ZNF490: variants seen among roughly 807,000 people sequenced by gnomAD.
ZNF490 encodes zinc finger protein 490.
In ZNF490, 11 loss-of-function variants were observed where a neutral mutation model predicts 17.7. The ratio of observed to expected loss-of-function variants is 0.62; its 90% CI spans 0.39 to 1.03. ZNF490 has a LOEUF of 1.03. ZNF490 is among the 50% of genes least tolerant of loss of function. ZNF490 has a pLI of 0.00. For missense variants in ZNF490, 542 were observed against 643.4 expected, an observed-to-expected ratio of 0.84 and a Z score of 1.71; for synonymous variants, 222 against 216.1, an observed-to-expected ratio of 1.03 and a Z score of -0.24.
At chr19:12,601,257 G>A (rs570904968) in intron 2 of ZNF490, among the ~76,000 whole-genome samples, 50 of 151,890 alleles carry the variant, frequency 3.3e-4, no homozygotes, top group South Asian at 8.3e-4. Flanking sequence ...GCGTGGTGGC[G>A]GGCACCTGTA....
intron 2 of ZNF490, among the ~76,000 whole-genome samples, chr19:12,583,811 ATTTTTTTTTT>A (rs879747918): frequency 1.3e-5 from 1 of 78,654 alleles, no homozygotes; most frequent in African/African-American, 5.1e-5. Flanking sequence ...ATATATATAT[ATTTTTTTTTT>A]TTTTTTTTTG....
At position 12,576,130 on chromosome 19, in the gene ZNF490, C is replaced by T. The variant is rs1045876466; in HGVS notation, c.*4355G>A. On this transcript the variant is annotated 3_prime_UTR_variant, in exon 5 of 5. Coordinates refer to ENST00000311437, the MANE Select transcript of ZNF490 (RefSeq NM_020714.3). ...TGGTGAAAAACCATATTTTTAATAT[C>T]TAATATCAGAAACAAGGATATTTGC... Among the ~76,000 whole-genome samples, 1 of 152,148 alleles carries T rather than the reference C, an allele frequency of 6.6e-6. No homozygotes were observed. Among genetic ancestry groups the T allele is most frequent in the African/African-American group, 2.4e-5 (1 of 41,436 alleles).
chr19:12,604,443 A>C (rs1393487932), intron 2 of ZNF490, among the ~76,000 whole-genome samples: 1 of 152,144 alleles, frequency 6.6e-6, no homozygotes, highest in Non-Finnish European at 1.5e-5. Flanking sequence ...TGAGGTCAGG[A>C]GTTCGAGACC....
At chr19:12,602,223 G>A (rs987934799) in intron 2 of ZNF490, among the ~76,000 whole-genome samples, 3 of 151,624 alleles carry the variant, frequency 2.0e-5, no homozygotes, top group Non-Finnish European at 4.4e-5. Flanking sequence ...GCTGCTACTG[G>A]AGACTGGGTG....
intron 2 of ZNF490, chr19:12,597,089 A>T: frequency 4.4e-6 from 2 of 458,402 alleles, no homozygotes; most frequent in Admixed American, 4.7e-5. Context: ...GGGTCTTCCC[A>T]TAGCCGGTTC....
intron 2 of ZNF490, among the ~76,000 whole-genome samples, chr19:12,608,510 G>A (rs1050612823): frequency 1.3e-4 from 19 of 151,294 alleles, no homozygotes; most frequent in African/African-American, 4.4e-4. Flanking sequence ...TCACTCTGTT[G>A]CCCAGGCTGG....
chr19:12,586,129 C>G lies in ZNF490; in HGVS notation c.163-2573G>C, dbSNP rs553594693. ...CCAGCCTGGCCAACATAGCAAAACC[C>G]CATCTCTACTAAAAATACAAAAATT... is the stretch of plus-strand genomic sequence containing the variant. On this transcript the variant is annotated intron_variant, in intron 2 of 4. Transcript: ENST00000311437. 4.3e-4 allele frequency among the ~76,000 whole-genome samples: 39 copies of G among 90,978 alleles called. 3 individuals are homozygous for G. In the East Asian group the frequency reaches 6.9e-3, roughly 16 times the overall value. 59.7% of individuals were successfully genotyped at this position (90,978 alleles called of 152,430 possible). A position where few individuals can be genotyped will look rare whatever the true frequency, so the allele number is the denominator to read the frequency against.
chr19:12,600,467 A>T (rs4371272), intron 2 of ZNF490, among the ~76,000 whole-genome samples: 96,435 of 151,986 alleles, frequency 0.63, 31,457 homozygotes, highest in Non-Finnish European at 0.69. Context: ...GAGGAAGCAA[A>T]GTCAAATATA....
intron 2 of ZNF490, among the ~76,000 whole-genome samples, chr19:12,602,127 CAT>C (rs1555701461): frequency 0.026 from 3,621 of 141,928 alleles, 103 homozygotes; most frequent in East Asian, 0.08. Context: ...CACACACACA[CAT>C]ATATGGGCCT....
Position 12,581,461 on chromosome 19 carries a change from C to T in ZNF490, c.614G>A (p.Arg205His). Residue 205 changes from arginine (R) to histidine (H), a missense_variant, in exon 5 of 5, where the codon CGC (arginine) becomes CAC (histidine). Physicochemically the swap from Arg to His is conservative, Grantham distance 29 (BLOSUM62 0). Coordinates refer to ENST00000311437, the MANE Select transcript of ZNF490 (RefSeq NM_020714.3). ...TTCATGGGTTCGAATACTGGAGCTG[C>T]GAGTGAAGGTTTTCCCACATTCTTT... ...KCKECGKTFT[R>H]SSSIRTHERI... is the part of the protein sequence containing the mutation. The T allele has an allele frequency of 1.2e-6, 2 of 1,614,190 alleles. No homozygotes were observed. The highest frequency in any genetic ancestry group is 1.7e-6 in the Non-Finnish European group (2 of 1,180,030).
At chr19:12,591,667 C>A (rs1161045073) in intron 2 of ZNF490, among the ~76,000 whole-genome samples, 1 of 151,694 alleles carries the variant, frequency 6.6e-6, no homozygotes, top group Non-Finnish European at 1.5e-5. Flanking sequence ...TAAAAAAAAA[C>A]TAAGATAAAT....
Position 12,583,439 on chromosome 19 carries a change from C to A in ZNF490, c.280G>T (p.Ala94Ser). ...ATTATGTCACCCTTACCTATACAGG[C>A]CAGGTTCTTGAAGGTTGCCCGCATC... ...DVMRATFKNL[A>S]CIGEKWKDQD... The change falls in exon 3 of 5, where the codon GCC becomes TCC. Residue 94 changes from alanine (A) to serine (S), a missense_variant. Transcript: ENST00000311437. 4 of 1,602,272 alleles carry A rather than the reference C, an allele frequency of 2.5e-6. No homozygotes were observed. The highest frequency in any genetic ancestry group is 3.4e-6 in the Non-Finnish European group (4 of 1,172,542).
chr19:12,610,691 G>A lies in ZNF490; in HGVS notation c.-11C>T. 1 of 1,611,740 alleles carries A rather than the reference G, an allele frequency of 6.2e-7. No homozygotes were observed. The highest frequency in any genetic ancestry group is 8.5e-7 in the Non-Finnish European group (1 of 1,178,802). ...GGAATTCCTGCGCATCCCTGTCCCC[G>A]CATCCAGAAACACTGCAGGAAGACT... is the stretch of plus-strand genomic sequence containing the variant. On this transcript the variant is annotated 5_prime_UTR_variant, in exon 1 of 5. Transcript: ENST00000311437.
Position 12,582,809 on chromosome 19 carries a change from T to A in ZNF490, c.350+41A>T, listed in dbSNP as rs755905454. 8 of 1,422,694 alleles carry A rather than the reference T, an allele frequency of 5.6e-6. No individual in the cohort carries two copies. In the East Asian group the frequency reaches 1.8e-4, roughly 32 times the overall value. The allele number at this position is 1,422,694 out of a possible 1,614,324, so 88.1% of individuals were successfully genotyped here. ...TTTTGAAATTTATGAAATACTAAGA[T>A]TCTCTCAGGGGCTATATAATTATTT... On this transcript the variant is annotated intron_variant, in intron 4 of 4. Transcript: ENST00000311437.
chr19:12,578,224 G>A lies in ZNF490; in HGVS notation c.*2261C>T. 1 of 985,524 alleles carries A rather than the reference G, an allele frequency of 1.0e-6. No homozygotes were observed. Among genetic ancestry groups the A allele is most frequent in the Non-Finnish European group, 1.2e-6 (1 of 830,024 alleles). The allele number at this position is 985,524 out of a possible 1,614,324, so 61.0% of individuals were successfully genotyped here. Reference sequence around the variant, plus strand: ...GTGCATATGCCGCTGAATATCTCAGGGTAGAATGTGCCAGAAAACAGGGAA... The same window carrying A: ...GTGCATATGCCGCTGAATATCTCAGAGTAGAATGTGCCAGAAAACAGGGAA... On this transcript the variant is annotated 3_prime_UTR_variant, in exon 5 of 5. Coordinates refer to ENST00000311437, the MANE Select transcript of ZNF490 (RefSeq NM_020714.3).
chr19:12,589,568 CTTTTTT>C (rs66811210), intron 2 of ZNF490, among the ~76,000 whole-genome samples: 1 of 125,748 alleles, frequency 8.0e-6, no homozygotes, highest in Non-Finnish European at 1.7e-5. Context: ...TCTTCTTCTT[CTTTTTT>C]TTTTTTTTTT....
chr19:12,578,007 G>A lies in ZNF490; in HGVS notation c.*2478C>T, dbSNP rs2022669429. 9 of 985,446 alleles carry A rather than the reference G, an allele frequency of 9.1e-6. No homozygotes were observed. The highest frequency in any genetic ancestry group is 5.2e-4 in the Middle Eastern group (1 of 1,914). 61.0% of individuals were successfully genotyped at this position (985,446 alleles called of 1,614,324 possible). A position where few individuals can be genotyped will look rare whatever the true frequency, so the allele number is the denominator to read the frequency against. On this transcript the variant is annotated 3_prime_UTR_variant, in exon 5 of 5. Transcript: ENST00000311437. ...AGTTGAGTTCACCTTGCCTTGTGAT[G>A]TGAAGCAAGGTAGTTCCATGGCTTG...
At position 12,578,307 on chromosome 19, in the gene ZNF490, T is replaced by C. The variant is rs1035172081; in HGVS notation, c.*2178A>G. On this transcript the variant is annotated 3_prime_UTR_variant, in exon 5 of 5. Transcript: ENST00000311437. ...CCTACAGCTAAGACATGGCAGAGTGTGTCTGTGACTCCACTAGCAGTTTTG... is the reference window on the plus strand; with the variant it reads ...CCTACAGCTAAGACATGGCAGAGTGCGTCTGTGACTCCACTAGCAGTTTTG... 2.0e-6 allele frequency: 2 copies of C among 985,608 alleles called. No individual in the cohort carries two copies. The highest frequency in any genetic ancestry group is 2.4e-6 in the Non-Finnish European group (2 of 830,048). The allele number at this position is 985,608 out of a possible 1,614,324, so 61.1% of individuals were successfully genotyped here. A position where few individuals can be genotyped will look rare whatever the true frequency, so the allele number is the denominator to read the frequency against.
intron 2 of ZNF490, among the ~76,000 whole-genome samples, chr19:12,601,875 TC>T (rs914996919): frequency 2.0e-5 from 3 of 151,320 alleles, no homozygotes. Context: ...GCTCCTGTAG[TC>T]CCAGCTACTC....
Sources: gnomAD v4.1 joint callset for allele counts (sites outside exome capture counted in the v4.1 genomes callset) on GRCh38, gnomAD v4.1.1 for gene constraint, MANE v1.5 for transcripts, NCBI Gene and HGNC (gene_info 2026-07-23, HGNC 2026-07-21) for gene names.